Variants in LRPAP1 observed in about 807,000 individuals in gnomAD.
The protein encoded by LRPAP1 is LDL receptor related protein associated protein 1, also known as alpha-2-macroglobulin receptor-associated protein.
LRPAP1 carries 41 observed loss-of-function variants against 39.9 expected under a neutral mutation model. The observed-to-expected ratio is 1.03, with a 90% CI of 0.80 to 1.33. The LOEUF is 1.33. LRPAP1 is among the 40% of genes most tolerant of loss of function. The pLI is 0.00. For missense variants in LRPAP1, 565 were observed against 482.3 expected, an observed-to-expected ratio of 1.17 and a Z score of -1.61; for synonymous variants, 263 against 212.7, an observed-to-expected ratio of 1.24 and a Z score of -2.06.
chr4:3,526,323 C>A (rs1244533140), intron 1 of LRPAP1, among the ~76,000 whole-genome samples: 1 of 152,206 alleles, frequency 6.6e-6, no homozygotes, highest in African/African-American at 2.4e-5. Context: ...CCTCTGAGCT[C>A]CAGGTGCCCA....
chr4:3,523,757 CG>C (rs1729993147), intron 2 of LRPAP1, among the ~76,000 whole-genome samples: 1 of 152,202 alleles, frequency 6.6e-6, no homozygotes, highest in African/African-American at 2.4e-5. Flanking sequence ...GCCATCAGCG[CG>C]TGTGAAAAGC....
In LRPAP1 at chr4:3,514,910, C is replaced by T. The variant is rs770780844; in HGVS notation, c.853G>A (p.Glu285Lys). Reference protein sequence around the residue: ...EAFREELKHFEAKIEKHNHYQ... With the variant: ...EAFREELKHFKAKIEKHNHYQ... ...TGGTTGTGCTTCTCGATTTTGGCTTCGAAGTGCTTGAGCTCCTCCTGGAAC... is the reference window on the plus strand; with the variant it reads ...TGGTTGTGCTTCTCGATTTTGGCTTTGAAGTGCTTGAGCTCCTCCTGGAAC... The change falls in exon 7 of 8, where the codon GAA (glutamate) becomes AAA (lysine). Residue 285 changes from glutamate (E) to lysine (K), a missense_variant. Glu to Lys is a moderately conservative substitution (Grantham distance 56). Transcript: ENST00000650182. The T allele has an allele frequency of 1.3e-5, 21 of 1,613,632 alleles. No individual in the cohort carries two copies. The highest frequency in any genetic ancestry group is 1.7e-5 in the Admixed American group (1 of 60,000).
At chr4:3,522,166 C>A (rs1421330152) in intron 2 of LRPAP1, among the ~76,000 whole-genome samples, 2 of 152,240 alleles carry the variant, frequency 1.3e-5, no homozygotes, top group Non-Finnish European at 2.9e-5. Context: ...CTCAGCAGCA[C>A]TGAGGTCCCA....
chr4:3,520,010 C>T (rs771003244), intron 3 of LRPAP1, 62 bp downstream of exon 3: 252 of 1,581,644 alleles, frequency 1.6e-4, no homozygotes, highest in Non-Finnish European at 2.1e-4. Context: ...CTCACAGCCC[C>T]CGCCTTAACA....
intron 6 of LRPAP1, among the ~76,000 whole-genome samples, chr4:3,515,503 A>G (rs1002534747): frequency 6.6e-5 from 10 of 152,112 alleles, no homozygotes; most frequent in African/African-American, 9.7e-5. Context: ...CCCAAGTCCT[A>G]TGAGGGCAGG....
At chr4:3,522,799 C>T (rs1018035703) in intron 2 of LRPAP1, among the ~76,000 whole-genome samples, 1 of 152,102 alleles carries the variant, frequency 6.6e-6, no homozygotes, top group African/African-American at 2.4e-5. Flanking sequence ...AGGACAGGAG[C>T]GAACCCCAGA....
At chr4:3,515,973 G>C in intron 6 of LRPAP1, 143 bp downstream of exon 6, 1 of 788,950 alleles carries the variant, frequency 1.3e-6, no homozygotes, top group Middle Eastern at 2.3e-4. Context: ...AACGCAAGCA[G>C]GTTCACCGAG....
At chr4:3,526,804 C>T (rs1455749394) in intron 1 of LRPAP1, among the ~76,000 whole-genome samples, 1 of 152,246 alleles carries the variant, frequency 6.6e-6, no homozygotes, top group Non-Finnish European at 1.5e-5. Context: ...CCCCTGACCA[C>T]AGGCCCTGTC....
rs755732950 is a variant in LRPAP1 at position 3,509,869 on chromosome 4, G to A, written c.*3105C>T. The stretch of plus-strand genomic sequence containing the variant: ...ACTGGAGTCACACACGGCAGTCAAC[G>A]CGTGGACACTGGAGACTGTTAAGAC... On this transcript the variant is annotated 3_prime_UTR_variant, in exon 8 of 8. Coordinates refer to ENST00000650182, the MANE Select transcript of LRPAP1 (RefSeq NM_002337.4). 16 of 151,534 alleles carry A rather than the reference G, an allele frequency of 1.1e-4. No individual in the cohort carries two copies. Among genetic ancestry groups the A allele is most frequent in the Non-Finnish European group, 1.9e-4 (13 of 68,026 alleles). The allele number at this position is 151,534 out of a possible 1,614,324, so 9.4% of individuals were successfully genotyped here. A position where few individuals can be genotyped will look rare whatever the true frequency, so the allele number is the denominator to read the frequency against.
rs200330132 is a variant in LRPAP1 at position 3,532,380 on chromosome 4, G to C, written c.33C>G (p.Arg11=). Residue 11 remains arginine, a synonymous_variant, in exon 1 of 8, where the codon CGC becomes CGG. Transcript: ENST00000650182. The part of the protein sequence containing the change: MAPRRVRSFL[R]GLPALLLLLL... ...GCAGCAGTAGCAGCGCCGGGAGCCC[G>C]CGCAGAAACGACCTGACCCTCCGCG... is the stretch of plus-strand genomic sequence containing the variant. The C allele has an allele frequency of 4.4e-6, 7 of 1,591,076 alleles. No homozygotes were observed. The highest frequency in any genetic ancestry group is 6.0e-6 in the Non-Finnish European group (7 of 1,169,468).
At chr4:3,514,616 G>A (rs1183720786) in intron 7 of LRPAP1, 136 bp downstream of exon 7, 1 of 1,171,274 alleles carries the variant, frequency 8.5e-7, no homozygotes, top group East Asian at 2.5e-5. Flanking sequence ...TTGTGGCCCT[G>A]GGGTTCAACT....
At position 3,504,959 on chromosome 4, in the gene LRPAP1, A is replaced by AGAG. The variant is rs10665176; in HGVS notation, c.*8014_*8015insCTC. 1.2e-3 allele frequency among the ~76,000 whole-genome samples: 182 copies of AGAG among 150,080 alleles called. No homozygotes were observed. The highest frequency in any genetic ancestry group is 4.2e-3 in the African/African-American group (173 of 41,246). The stretch of plus-strand genomic sequence containing the variant: ...AAGACTCCGTCTCAAGAAAAAAATA[A>AGAG]ATAACAAAGAACAGAAGACAACATG... On this transcript the variant is annotated 3_prime_UTR_variant, in exon 8 of 8. Coordinates refer to ENST00000650182, the MANE Select transcript of LRPAP1 (RefSeq NM_002337.4).
chr4:3,525,237 C>T (rs1730045708), intron 1 of LRPAP1, 186 bp from the exon 2 acceptor site: 7 of 630,356 alleles, frequency 1.1e-5, no homozygotes, highest in Non-Finnish European at 1.4e-5. Context: ...GGACACCAGT[C>T]TCTAGGCCTG....
At chr4:3,531,609 C>T (rs894760864) in intron 1 of LRPAP1, among the ~76,000 whole-genome samples, 3 of 152,166 alleles carry the variant, frequency 2.0e-5, no homozygotes, top group African/African-American at 7.2e-5. Context: ...TGCCCTTTCC[C>T]CTCGGGGCCT....
rs781325942 is a variant in LRPAP1, at chr4:3,532,387, A to G, written c.26T>C (p.Phe9Ser). ...TAGCAGCGCCGGGAGCCCGCGCAGAAACGACCTGACCCTCCGCGGCGCCAT... is the reference window on the plus strand; with the variant it reads ...TAGCAGCGCCGGGAGCCCGCGCAGAGACGACCTGACCCTCCGCGGCGCCAT... MAPRRVRS[F>S]LRGLPALLLL... The change falls in exon 1 of 8, where the codon TTT becomes TCT. Residue 9 changes from phenylalanine to serine, a missense_variant. Coordinates refer to ENST00000650182, the MANE Select transcript of LRPAP1 (RefSeq NM_002337.4). 1.3e-6 allele frequency: 2 copies of G among 1,589,268 alleles called. No homozygotes were observed. Among genetic ancestry groups the G allele is most frequent in the Admixed American group, 1.7e-5 (1 of 57,502 alleles).
chr4:3,507,498 G>A lies in LRPAP1; in HGVS notation c.*5476C>T, dbSNP rs557063736. 6 of 145,970 alleles carry A rather than the reference G, an allele frequency of 4.1e-5. No individual in the cohort carries two copies. Among genetic ancestry groups the A allele is most frequent in the South Asian group, 2.2e-4 (1 of 4,528 alleles). The allele number at this position is 145,970 out of a possible 1,614,324, so 9.0% of individuals were successfully genotyped here. A position where few individuals can be genotyped will look rare whatever the true frequency, so the allele number is the denominator to read the frequency against. On this transcript the variant is annotated 3_prime_UTR_variant, in exon 8 of 8. Coordinates refer to ENST00000650182, the MANE Select transcript of LRPAP1 (RefSeq NM_002337.4). ...CATATATTTATACATTATCATCTGCGAATTACTGACATTTGCTTTGGGTCC... is the reference window on the plus strand; with the variant it reads ...CATATATTTATACATTATCATCTGCAAATTACTGACATTTGCTTTGGGTCC...
chr4:3,516,235 C>T (rs371010718), intron 5 of LRPAP1, 37 bp from the exon 6 acceptor site: 16 of 1,509,830 alleles, frequency 1.1e-5, no homozygotes, highest in East Asian at 7.3e-5. Flanking sequence ...CAGCAGCACC[C>T]GGGGTGCACA....
chr4:3,506,375 GT>G lies in LRPAP1; in HGVS notation c.*6598del, dbSNP rs200593210. 1.2e-3 allele frequency: 156 copies of G among 131,056 alleles called. No homozygotes were observed. The highest frequency in any genetic ancestry group is 1.6e-3 in the East Asian group (7 of 4,398). The allele number at this position is 131,056 out of a possible 1,614,324, so 8.1% of individuals were successfully genotyped here. On this transcript the variant is annotated 3_prime_UTR_variant, in exon 8 of 8. Transcript: ENST00000650182. ...GCCACCCACACTTGGCTCAAGCTGGGTTTTTTTTTTTTTTTGAGGCGAAGTC... is the reference window on the plus strand; with the variant it reads ...GCCACCCACACTTGGCTCAAGCTGGGTTTTTTTTTTTTTTGAGGCGAAGTC...
At chr4:3,513,365 T>C (rs1405029545) in intron 7 of LRPAP1, among the ~76,000 whole-genome samples, 1 of 152,188 alleles carries the variant, frequency 6.6e-6, no homozygotes, top group Non-Finnish European at 1.5e-5. Context: ...TGGAGTGCAG[T>C]GGCATGATCT....
Sources: allele counts gnomAD v4.1 joint callset (sites outside exome capture counted in the v4.1 genomes callset), GRCh38; gene constraint gnomAD v4.1.1; transcripts MANE v1.5; gene names NCBI Gene and HGNC (gene_info 2026-07-23, HGNC 2026-07-21).